TSC22D2: variants seen among roughly 807,000 people sequenced by gnomAD.
The protein encoded by TSC22D2 is TSC22 domain family protein 2.
Under a neutral mutation model 50.1 loss-of-function variants are expected in TSC22D2, and 5 were observed. The ratio of observed to expected loss-of-function variants is 0.10; its 90% CI spans 0.05 to 0.21. The LOEUF (loss-of-function observed/expected upper bound fraction) is 0.21, where lower values mean the gene tolerates loss of function less well. TSC22D2 is among the 10% of genes least tolerant of loss of function. The probability of loss-of-function intolerance (pLI) is 1.00; values close to 1 mark genes in which losing one functional copy is unlikely to be tolerated. For missense variants in TSC22D2, 1,003 were observed against 1,015.5 expected (o/e 0.99, Z 0.17); for synonymous variants, 501 against 450.1 (o/e 1.11, Z -1.43).
intron 1 of TSC22D2, among the ~76,000 whole-genome samples, chr3:150,432,483 A>G (rs1177488819): frequency 1.3e-5 from 2 of 151,810 alleles, no homozygotes; most frequent in East Asian, 3.9e-4. Context: ...AAGGCTTTGA[A>G]TAGAACAGAA....
chr3:150,445,143 G>A (rs1347766359), intron 1 of TSC22D2, among the ~76,000 whole-genome samples: 1 of 151,388 alleles, frequency 6.6e-6, no homozygotes, highest in Non-Finnish European at 1.5e-5. Context: ...ATGAAACATC[G>A]AGATCCCAAA....
intron 1 of TSC22D2, among the ~76,000 whole-genome samples, chr3:150,415,966 C>G (rs1463200151): frequency 6.6e-6 from 1 of 152,082 alleles, no homozygotes; most frequent in Non-Finnish European, 1.5e-5. Flanking sequence ...AAATAGCAGC[C>G]CCACCAATCA....
chr3:150,435,626 G>T (rs1720514607), intron 1 of TSC22D2, among the ~76,000 whole-genome samples: 1 of 152,254 alleles, frequency 6.6e-6, no homozygotes, highest in African/African-American at 2.4e-5. Flanking sequence ...TTAAGGAAAT[G>T]TGGTTTAAAC....
At chr3:150,452,171 C>T (rs182376235) in intron 1 of TSC22D2, among the ~76,000 whole-genome samples, 61 of 152,244 alleles carry the variant, frequency 4.0e-4, no homozygotes, top group African/African-American at 1.2e-3. Context: ...CAAGGCTGGG[C>T]GTGGTGGCTC....
chr3:150,426,847 T>C (rs184003950), intron 1 of TSC22D2, among the ~76,000 whole-genome samples: 4 of 152,188 alleles, frequency 2.6e-5, no homozygotes, highest in South Asian at 2.1e-4. Flanking sequence ...CTCAAATTGT[T>C]TTCTACAGTG....
intron 1 of TSC22D2, among the ~76,000 whole-genome samples, chr3:150,427,247 G>A (rs1279778000): frequency 6.6e-6 from 1 of 152,032 alleles, no homozygotes; most frequent in Non-Finnish European, 1.5e-5. Context: ...ATTCATAAAT[G>A]TATAGCTCAA....
chr3:150,458,341 C>G, intron 2 of TSC22D2, 35 bp from the exon 3 acceptor site: 1 of 1,591,092 alleles, frequency 6.3e-7, no homozygotes, highest in Non-Finnish European at 8.6e-7. Context: ...TTTATCTTTT[C>G]ACTCTTTTGA....
In TSC22D2 at chr3:150,462,708, A is replaced by G. The variant is rs1406241890; in HGVS notation, c.*4072A>G. On this transcript the variant is annotated 3_prime_UTR_variant, in exon 3 of 3. Coordinates refer to ENST00000688009, the MANE Select transcript of TSC22D2 (RefSeq NM_001303264.2). ...GAGTGCAGTGGCAAGATCTCGGCTC[A>G]CTGCAACCTCCGCCTCCCAGGTTCA... 7.0e-6 allele frequency: 1 copy of G among 142,966 alleles called. No homozygotes were observed. The highest frequency in any genetic ancestry group is 3.8e-3 in the Middle Eastern group (1 of 262). 8.9% of individuals were successfully genotyped at this position (142,966 alleles called of 1,614,324 possible).
Position 150,418,119 on chromosome 3 carries a change from G to C in TSC22D2, c.1958+6811G>C, listed in dbSNP as rs1266625149. 2.0e-5 allele frequency among the ~76,000 whole-genome samples: 3 copies of C among 152,010 alleles called. No homozygotes were observed. The East Asian group carries it at 5.8e-4, about 29-fold the overall frequency. On this transcript the variant is annotated intron_variant, in intron 1 of 2. Coordinates refer to ENST00000688009, the MANE Select transcript of TSC22D2 (RefSeq NM_001303264.2). ...TATTGTGTGGCAATAAATGAAGTTT[G>C]TAAATACTCATTAAGTAGGTTGATT... is the stretch of plus-strand genomic sequence containing the variant.
chr3:150,409,437 C>T lies in TSC22D2; in HGVS notation c.87C>T (p.Asp29=). 27 of 1,613,690 alleles carry T rather than the reference C, an allele frequency of 1.7e-5. No homozygotes were observed. The highest frequency in any genetic ancestry group is 2.3e-5 in the Non-Finnish European group (27 of 1,179,932). ...AGGTGGCCACTAGCATCACCGAGGA[C>T]ACCGAGAGCTTGGACGACCCGGACG... The part of the protein sequence containing the change: ...TAQVATSITE[D]TESLDDPDES... Residue 29 remains aspartate (D), a synonymous_variant, in exon 1 of 3, where the codon GAC becomes GAT. Transcript: ENST00000688009. The surrounding 1 kb of genome is among the most constrained non-coding windows in gnomAD (Gnocchi z 7.4).
At chr3:150,438,218 A>T (rs1030446948) in intron 1 of TSC22D2, 2 of 427,710 alleles carry the variant, frequency 4.7e-6, no homozygotes, top group African/African-American at 2.0e-5. Context: ...AGAATTCAGC[A>T]TCGGAGGAGG....
At chr3:150,434,453 G>A (rs957090299) in intron 1 of TSC22D2, among the ~76,000 whole-genome samples, 3 of 152,088 alleles carry the variant, frequency 2.0e-5, no homozygotes, top group Non-Finnish European at 2.9e-5. Context: ...CAAATATTCA[G>A]CTTTCTGTTA....
rs542257670 is a variant in TSC22D2, at chr3:150,423,580, A to C, written c.1958+12272A>C. ...TAATCATTGTTTAATTTTTGGCAAG[A>C]AACTTTAACTTCAAGTTTGTTTGCT... is the stretch of plus-strand genomic sequence containing the variant. On this transcript the variant is annotated intron_variant, in intron 1 of 2. Transcript: ENST00000688009. The C allele has an allele frequency of 2.0e-5, 3 of 152,346 alleles. No homozygotes were observed. In the East Asian group the frequency reaches 5.8e-4, roughly 29 times the overall value. 9.4% of individuals were successfully genotyped at this position (152,346 alleles called of 1,614,324 possible). A position where few individuals can be genotyped will look rare whatever the true frequency, so the allele number is the denominator to read the frequency against.
At chr3:150,420,616 A>G (rs1034294480) in intron 1 of TSC22D2, among the ~76,000 whole-genome samples, 1 of 152,240 alleles carries the variant, frequency 6.6e-6, no homozygotes, top group African/African-American at 2.4e-5. Context: ...ACTACTAACT[A>G]CAAATATGTT....
At chr3:150,416,681 G>A (rs753933185) in intron 1 of TSC22D2, among the ~76,000 whole-genome samples, 3 of 152,084 alleles carry the variant, frequency 2.0e-5, no homozygotes, top group African/African-American at 7.2e-5. Flanking sequence ...TCATAAAAAG[G>A]TAGGAACAGT....
chr3:150,438,701 T>TG, intron 1 of TSC22D2, among the ~76,000 whole-genome samples: 1 of 152,236 alleles, frequency 6.6e-6, no homozygotes, highest in Middle Eastern at 3.4e-3. Context: ...ATTTGAGAAA[T>TG]AATATATTCA....
intron 1 of TSC22D2, among the ~76,000 whole-genome samples, chr3:150,430,726 A>G (rs1234081124): frequency 2.6e-5 from 4 of 152,132 alleles, no homozygotes; most frequent in African/African-American, 9.7e-5. Context: ...AGCTTTAGGA[A>G]AGGCCAAGAT....
intron 2 of TSC22D2, among the ~76,000 whole-genome samples, chr3:150,457,469 A>G (rs1330961119): frequency 6.6e-6 from 1 of 152,192 alleles, no homozygotes; most frequent in South Asian, 2.1e-4. Flanking sequence ...AAGCAAAAAC[A>G]GCTGGAGGTC....
At chr3:150,414,076 C>T (rs898410722) in intron 1 of TSC22D2, among the ~76,000 whole-genome samples, 9 of 151,952 alleles carry the variant, frequency 5.9e-5, no homozygotes, top group Non-Finnish European at 8.8e-5. Flanking sequence ...ATTAAAGAAC[C>T]GGGCCTTATA....
Sources: allele counts gnomAD v4.1 joint callset (sites outside exome capture counted in the v4.1 genomes callset), GRCh38; gene constraint gnomAD v4.1.1; non-coding constraint Gnocchi (gnomAD v3.1); transcripts MANE v1.5; gene names NCBI Gene and HGNC (gene_info 2026-07-23, HGNC 2026-07-21).